CASZ1: variants seen among roughly 807,000 people sequenced by gnomAD.
CASZ1 encodes zinc finger protein castor homolog 1.
CASZ1 carries 28 observed loss-of-function variants against 135.2 expected under a neutral mutation model. The ratio of observed to expected loss-of-function variants is 0.21; its 90% CI spans 0.15 to 0.28. The LOEUF (loss-of-function observed/expected upper bound fraction) is 0.28, where lower values mean the gene tolerates loss of function less well. Ranked by LOEUF, CASZ1 falls within the 10% of genes least tolerant of loss-of-function variation. The pLI is 1.00. For synonymous variants in CASZ1, 1,068 were observed against 1,073.4 expected, an observed-to-expected ratio of 0.99 and a Z score of 0.10; for missense variants, 2,161 against 2,453.3, an observed-to-expected ratio of 0.88 and a Z score of 2.52.
chr1:10,760,433 G>C (rs1355142004), intron 2 of CASZ1, among the ~76,000 whole-genome samples: 3 of 152,224 alleles, frequency 2.0e-5, no homozygotes, highest in Non-Finnish European at 4.4e-5. Context: ...TCATTTCACG[G>C]GTGGGGAAAC....
rs1248855169 is a variant in CASZ1 at position 10,665,197 on chromosome 1, C to T, written c.391G>A (p.Asp131Asn). 7.0e-6 allele frequency: 11 copies of T among 1,577,626 alleles called. No individual in the cohort carries two copies. The highest frequency in any genetic ancestry group is 2.3e-5 in the South Asian group (2 of 86,090). The change falls in exon 5 of 21, where the codon GAT becomes AAT. Residue 131 changes from aspartate to asparagine, a missense_variant. Physicochemically the swap from Asp to Asn is conservative, Grantham distance 23. Transcript: ENST00000377022. ...GGCTCCTCCGCGTGGTCTTCCTCATCGCTGCACCCCTGGGGCTGCACCATG... is the reference window on the plus strand; with the variant it reads ...GGCTCCTCCGCGTGGTCTTCCTCATTGCTGCACCCCTGGGGCTGCACCATG... The part of the protein sequence containing the change: ...VYMVQPQGCS[D>N]EEDHAEEPSK...
chr1:10,652,546 G>C (rs1642627991), intron 11 of CASZ1: 1 of 152,256 alleles, frequency 6.6e-6, no homozygotes, highest in Non-Finnish European at 1.5e-5. Flanking sequence ...ACTGGGAGAG[G>C]AGTGAGGTAA....
chr1:10,649,580 C>T, intron 13 of CASZ1, 143 bp from the exon 14 acceptor site: 1 of 968,112 alleles, frequency 1.0e-6, no homozygotes, highest in Non-Finnish European at 1.5e-6. Context: ...GCCTACTTGG[C>T]TCTGGCTGTG....
At chr1:10,690,798 G>A (rs949630675) in intron 4 of CASZ1, among the ~76,000 whole-genome samples, 2 of 152,232 alleles carry the variant, frequency 1.3e-5, no homozygotes, top group East Asian at 1.9e-4. Context: ...GTCTCAAGAA[G>A]AGAAGGGGCA....
chr1:10,710,165 G>T (rs1035758904), intron 2 of CASZ1, among the ~76,000 whole-genome samples: 3 of 152,174 alleles, frequency 2.0e-5, no homozygotes, highest in Non-Finnish European at 4.4e-5. Flanking sequence ...AAAAGCAGGA[G>T]ACCTCAACTT....
chr1:10,773,283 A>G (rs1557563549), intron 1 of CASZ1, among the ~76,000 whole-genome samples: 1 of 152,128 alleles, frequency 6.6e-6, no homozygotes, highest in Non-Finnish European at 1.5e-5. Flanking sequence ...CTGTCTGGTA[A>G]ACACCCTGAA....
At chr1:10,792,769 A>G (rs932711042) in intron 1 of CASZ1, among the ~76,000 whole-genome samples, 4 of 146,690 alleles carry the variant, frequency 2.7e-5, no homozygotes, top group Admixed American at 1.4e-4. Flanking sequence ...AAGTTGATGT[A>G]CTCTCACATA....
rs1641077006 is a variant in CASZ1 at position 10,796,589 on chromosome 1, C to T, written c.-259G>A. 1 of 152,284 alleles carries T rather than the reference C, an allele frequency of 6.6e-6. No individual in the cohort carries two copies. Among genetic ancestry groups the T allele is most frequent in the Non-Finnish European group, 1.5e-5 (1 of 68,060 alleles). The allele number at this position is 152,284 out of a possible 1,614,324, so 9.4% of individuals were successfully genotyped here. The stretch of plus-strand genomic sequence containing the variant: ...CTGCACTTGGGGCGGCTTTGGGTGA[C>T]TTTCCAAGTCCGGGGGAAAAATGTG... On this transcript the variant is annotated 5_prime_UTR_variant, in exon 1 of 21. Coordinates refer to ENST00000377022, the MANE Select transcript of CASZ1 (RefSeq NM_001079843.3).
rs1639252771 is a variant in CASZ1, at chr1:10,709,862, G to A, written c.-76-4318C>T. Among the ~76,000 whole-genome samples the A allele has an allele frequency of 2.0e-5, 3 of 152,176 alleles. No homozygotes were observed. Among genetic ancestry groups the A allele is most frequent in the Admixed American group, 2.0e-4 (3 of 15,282 alleles). The stretch of plus-strand genomic sequence containing the variant: ...AGGACAATGAGGGGGCCGGCGGCCC[G>A]CACAGGCCAGCAGGTGCCCGATCGA... On this transcript the variant is annotated intron_variant, in intron 2 of 20. Transcript: ENST00000377022. This position sits in a 1 kb window ranked among gnomAD's most constrained non-coding sequence, Gnocchi z 5.1.
rs1187796666 is a variant in CASZ1, at chr1:10,756,003, A to G, written c.-77+4698T>C. Among the ~76,000 whole-genome samples, 1 of 146,252 alleles carries G rather than the reference A, an allele frequency of 6.8e-6. No individual in the cohort carries two copies. The highest frequency in any genetic ancestry group is 2.5e-5 in the African/African-American group (1 of 39,264). ...GACCATAGAGGCGGAAAGCAGAAAA[A>G]CCTCCCACGCGTGCACAGATGCACA... On this transcript the variant is annotated intron_variant, in intron 2 of 20. Coordinates refer to ENST00000377022, the MANE Select transcript of CASZ1 (RefSeq NM_001079843.3). This position sits in a 1 kb window ranked among gnomAD's most constrained non-coding sequence, Gnocchi z 5.9.
rs1300025039 is a variant in CASZ1, at chr1:10,764,005, G to T, written c.-233-3148C>A. 6.6e-5 allele frequency among the ~76,000 whole-genome samples: 10 copies of T among 152,310 alleles called. No homozygotes were observed. The South Asian group carries it at 1.2e-3, about 19-fold the overall frequency. ...AGCCTCCCGAGTAGCTGGGACTATA[G>T]GCAAGTGCCACCACGCCTGGCTAAT... On this transcript the variant is annotated intron_variant, in intron 1 of 20. Coordinates refer to ENST00000377022, the MANE Select transcript of CASZ1 (RefSeq NM_001079843.3).
intron 3 of CASZ1, chr1:10,704,152 G>C (rs1639120328): frequency 6.6e-6 from 1 of 152,304 alleles, no homozygotes; most frequent in South Asian, 2.1e-4. Context: ...TCCCAGCTTG[G>C]GGCATCCTGA....
At position 10,711,787 on chromosome 1, in the gene CASZ1, T is replaced by C. The variant is rs1639290962; in HGVS notation, c.-76-6243A>G. Among the ~76,000 whole-genome samples, 1 of 152,082 alleles carries C rather than the reference T, an allele frequency of 6.6e-6. No individual in the cohort carries two copies. The highest frequency in any genetic ancestry group is 6.6e-5 in the Admixed American group (1 of 15,264). ...GTTCTGATATGGGCTACAATGTGGA[T>C]AGACCTGGAAATGTTGAACGAGAAA... On this transcript the variant is annotated intron_variant, in intron 2 of 20. Transcript: ENST00000377022. This position sits in a 1 kb window ranked among gnomAD's most constrained non-coding sequence, Gnocchi z 4.4.
intron 1 of CASZ1, among the ~76,000 whole-genome samples, chr1:10,773,376 G>A (rs1396568714): frequency 1.3e-5 from 2 of 151,632 alleles, no homozygotes; most frequent in African/African-American, 2.4e-5. Flanking sequence ...GGCAGAGACA[G>A]GAAGGGAGGG....
chr1:10,681,775 C>G (rs934677911), intron 4 of CASZ1, among the ~76,000 whole-genome samples: 1 of 152,188 alleles, frequency 6.6e-6, no homozygotes, highest in Non-Finnish European at 1.5e-5. Context: ...TCTGGACTGA[C>G]CCCCTCGGGG....
At chr1:10,743,038 G>C (rs1014304191) in intron 2 of CASZ1, among the ~76,000 whole-genome samples, 1 of 152,132 alleles carries the variant, frequency 6.6e-6, no homozygotes, top group Non-Finnish European at 1.5e-5. Flanking sequence ...CAGTTCCTGG[G>C]GGTGGAGCAG....
intron 5 of CASZ1, among the ~76,000 whole-genome samples, chr1:10,662,101 T>C (rs976549807): frequency 6.6e-6 from 1 of 150,606 alleles, no homozygotes; most frequent in African/African-American, 2.5e-5. Context: ...CACAGTTACA[T>C]GCACACAATG....
chr1:10,772,011 C>T (rs1640586027), intron 1 of CASZ1, among the ~76,000 whole-genome samples: 1 of 152,188 alleles, frequency 6.6e-6, no homozygotes, highest in Admixed American at 6.5e-5. Context: ...AAGACAGAGA[C>T]AAACCGGGAG....
chr1:10,745,239 G>A (rs748113664), intron 2 of CASZ1, among the ~76,000 whole-genome samples: 12 of 151,986 alleles, frequency 7.9e-5, no homozygotes, highest in East Asian at 3.9e-4. Context: ...ATGAAGTCTC[G>A]GGTGGCCTTA....
Sources: gnomAD v4.1 joint callset for allele counts (sites outside exome capture counted in the v4.1 genomes callset) on GRCh38, gnomAD v4.1.1 for gene constraint, Gnocchi (gnomAD v3.1) non-coding constraint, MANE v1.5 for transcripts, NCBI Gene and HGNC (gene_info 2026-07-23, HGNC 2026-07-21) for gene names.